The following TRRAP variants were observed in gnomAD, a reference collection of about 807,000 sequenced individuals.
TRRAP encodes the protein transformation/transcription domain associated protein, also known as transformation/transcription domain-associated protein.
In TRRAP, 41 loss-of-function variants were observed where a neutral mutation model predicts 438.8. The ratio of observed to expected loss-of-function variants is 0.09; its 90% confidence interval spans 0.07 to 0.12. The LOEUF (loss-of-function observed/expected upper bound fraction) is 0.12. Among genes scored for constraint, TRRAP ranks in the 10% least tolerant of loss-of-function variants. TRRAP has a pLI of 1.00. For missense variants in TRRAP, 3,122 were observed against 5,055.1 expected, an observed-to-expected ratio of 0.62 and a Z score of 11.60; for synonymous variants, 1,994 against 1,962.9, an observed-to-expected ratio of 1.02 and a Z score of -0.42.
chr7:98,962,797 T>A (rs1341055547), intron 47 of TRRAP, among the ~76,000 whole-genome samples: 2 of 152,200 alleles, frequency 1.3e-5, no homozygotes, highest in Non-Finnish European at 1.5e-5. Flanking sequence ...ACTCACAAGA[T>A]GAGAACTTGT....
At chr7:98,982,225 C>T (rs1213698778) in intron 59 of TRRAP, among the ~76,000 whole-genome samples, 2 of 152,178 alleles carry the variant, frequency 1.3e-5, no homozygotes, top group Non-Finnish European at 2.9e-5. Context: ...GTTTTCAGTG[C>T]CCACTGTGCC....
chr7:98,906,092 TG>T, intron 12 of TRRAP, 84 bp from the exon 13 acceptor site: 1 of 1,229,024 alleles, frequency 8.1e-7, no homozygotes, highest in Non-Finnish European at 1.2e-6. Flanking sequence ...ACTGGCGGGC[TG>T]GCTACTTCGA....
At chr7:98,971,490 T>G (rs1792418562) in intron 52 of TRRAP, among the ~76,000 whole-genome samples, 3 of 152,278 alleles carry the variant, frequency 2.0e-5, no homozygotes. Context: ...TGATAGACTA[T>G]GATTCCATTA....
chr7:98,908,693 TG>T lies in TRRAP; in HGVS notation c.1116-32del. On this transcript the variant is annotated intron_variant, in intron 13 of 72. Coordinates refer to ENST00000456197, the MANE Select transcript of TRRAP (RefSeq NM_001375524.1). This position sits in a 1 kb window ranked among gnomAD's most constrained non-coding sequence, Gnocchi z 4.1. ...GCCTGCTGCAGCAGGCATGGCCACG[TG>T]GGAATGAGCACTAGTCGAGGTCTCT... The T allele has an allele frequency of 6.5e-7, 1 of 1,530,950 alleles. No individual in the cohort carries two copies. The allele number at this position is 1,530,950 out of a possible 1,614,324, so 94.8% of individuals were successfully genotyped here.
rs976599559 is a variant in TRRAP, at chr7:98,925,105, G to A, written c.2824-7G>A. On this transcript the variant is annotated splice_region_variant and splice_polypyrimidine_tract_variant and intron_variant, in intron 21 of 72. Coordinates refer to ENST00000456197, the MANE Select transcript of TRRAP (RefSeq NM_001375524.1). The stretch of plus-strand genomic sequence containing the variant: ...CAAACTGTAGTTTCTTTGTGTCTTG[G>A]TTGTAGGCCATTGAAACTGCTCTGG... The A allele has an allele frequency of 5.0e-6, 8 of 1,607,282 alleles. No homozygotes were observed. In the Admixed American group the frequency reaches 8.6e-5, roughly 17 times the overall value.
rs57047314 is a variant in TRRAP, at chr7:98,953,031, TTGTGTGTGTGTG to T, written c.5464-98_5464-87del. The T allele has an allele frequency of 5.7e-4, 672 of 1,170,062 alleles. 3 individuals carry two copies. In the African/African-American group the frequency reaches 8.5e-3, roughly 15 times the overall value. 72.5% of individuals were successfully genotyped at this position (1,170,062 alleles called of 1,614,324 possible). A position where few individuals can be genotyped will look rare whatever the true frequency, so the allele number is the denominator to read the frequency against. ...CCTCCTTGTAAAACTTCATGTTACA[TTGTGTGTGTGTG>T]TGTGTGTGTGTGTGTGTGTGTGTGT... is the stretch of plus-strand genomic sequence containing the variant. On this transcript the variant is annotated intron_variant, in intron 39 of 72. Coordinates refer to ENST00000456197, the MANE Select transcript of TRRAP (RefSeq NM_001375524.1).
intron 53 of TRRAP, among the ~76,000 whole-genome samples, chr7:98,974,730 A>G (rs908624335): frequency 6.6e-6 from 1 of 152,246 alleles, no homozygotes; most frequent in Non-Finnish European, 1.5e-5. Flanking sequence ...ATACACAGAG[A>G]TACCCCAAAT....
At position 98,993,865 on chromosome 7, in the gene TRRAP, C is replaced by T. The variant is rs1043664285; in HGVS notation, c.10047+128C>T. 8.7e-6 allele frequency: 8 copies of T among 914,712 alleles called. No individual in the cohort carries two copies. In the African/African-American group the frequency reaches 1.3e-4, roughly 15 times the overall value. 56.7% of individuals were successfully genotyped at this position (914,712 alleles called of 1,614,324 possible). Reference sequence around the variant, plus strand: ...TTTATATATTTGTTGTTGAACTTAACCATGGACCAGGCAAATAGCTATCTC... The same window carrying T: ...TTTATATATTTGTTGTTGAACTTAATCATGGACCAGGCAAATAGCTATCTC... On this transcript the variant is annotated intron_variant, in intron 66 of 72. Coordinates refer to ENST00000456197, the MANE Select transcript of TRRAP (RefSeq NM_001375524.1).
At chr7:99,004,688 C>G (rs1359137479) in intron 68 of TRRAP, among the ~76,000 whole-genome samples, 1 of 152,212 alleles carries the variant, frequency 6.6e-6, no homozygotes. Context: ...GTGTCCCACT[C>G]TTGTAAATCC....
chr7:98,902,978 G>A (rs1796541972), intron 11 of TRRAP, among the ~76,000 whole-genome samples: 1 of 151,870 alleles, frequency 6.6e-6, no homozygotes, highest in African/African-American at 2.4e-5. Context: ...TGAGGTGGGA[G>A]GATGGCGTGA....
chr7:98,971,955 C>T lies in TRRAP; in HGVS notation c.7839+10C>T. 2.5e-6 allele frequency: 4 copies of T among 1,613,112 alleles called. No individual in the cohort carries two copies. Among genetic ancestry groups the T allele is most frequent in the East Asian group, 4.5e-5 (2 of 44,888 alleles). ...TCTCCGAGAGGTGAAGGTCTGTACG[C>T]AGCTTGGAAAGGATTCGTTGCTTTC... On this transcript the variant is annotated intron_variant, in intron 53 of 72. Transcript: ENST00000456197.
intron 13 of TRRAP, among the ~76,000 whole-genome samples, chr7:98,907,687 C>A: frequency 6.6e-6 from 1 of 152,218 alleles, no homozygotes; most frequent in Non-Finnish European, 1.5e-5. Flanking sequence ...GCTCTGTCCA[C>A]CTGTTCTACA....
At chr7:98,898,247 C>G (rs1796311325) in intron 8 of TRRAP, among the ~76,000 whole-genome samples, 1 of 152,208 alleles carries the variant, frequency 6.6e-6, no homozygotes, top group South Asian at 2.1e-4. Context: ...AGCTCCAGTA[C>G]AATGTCCTGG....
chr7:98,950,509 G>A (rs1791285787), intron 38 of TRRAP, among the ~76,000 whole-genome samples: 1 of 152,196 alleles, frequency 6.6e-6, no homozygotes, highest in Non-Finnish European at 1.5e-5. Context: ...GTGACACAAT[G>A]AGACTCTGTC....
chr7:99,008,342 C>G (rs775641682), intron 69 of TRRAP, 35 bp from the exon 70 acceptor site: 1 of 1,605,162 alleles, frequency 6.2e-7, no homozygotes, highest in South Asian at 1.1e-5. Context: ...CGCGGTCACC[C>G]TCAGCCTGCC....
Position 99,012,463 on chromosome 7 carries a change from G to A in TRRAP, c.*108G>A. ...TCCTTATATTCACAGAAGCCCCATA[G>A]TTTCACTGGGTTGCGGTTATTTTCC... On this transcript the variant is annotated 3_prime_UTR_variant, in exon 73 of 73. Coordinates refer to ENST00000456197, the MANE Select transcript of TRRAP (RefSeq NM_001375524.1). The surrounding 1 kb of genome is among the most constrained non-coding windows in gnomAD (Gnocchi z 5.9). 2 of 1,298,840 alleles carry A rather than the reference G, an allele frequency of 1.5e-6. No individual in the cohort carries two copies. Among genetic ancestry groups the A allele is most frequent in the Non-Finnish European group, 2.1e-6 (2 of 965,950 alleles). 80.5% of individuals were successfully genotyped at this position (1,298,840 alleles called of 1,614,324 possible).
rs1314905107 is a variant in TRRAP at position 98,948,837 on chromosome 7, T to C, written c.4788+152T>C. On this transcript the variant is annotated intron_variant, in intron 35 of 72. Transcript: ENST00000456197. This position sits in a 1 kb window ranked among gnomAD's most constrained non-coding sequence, Gnocchi z 4.9. ...TATTGGAAACAGCATTGCTGTTTGGTTGTGTCTGTGAAATGTGCAGGTCTA... is the reference window on the plus strand; with the variant it reads ...TATTGGAAACAGCATTGCTGTTTGGCTGTGTCTGTGAAATGTGCAGGTCTA... 1 of 1,334,686 alleles carries C rather than the reference T, an allele frequency of 7.5e-7. No individual in the cohort carries two copies. Among genetic ancestry groups the C allele is most frequent in the African/African-American group, 1.5e-5 (1 of 68,166 alleles). The allele number at this position is 1,334,686 out of a possible 1,614,324, so 82.7% of individuals were successfully genotyped here.
chr7:98,984,415 A>G (rs531275427), intron 61 of TRRAP, 57 bp downstream of exon 61: 3 of 1,483,608 alleles, frequency 2.0e-6, no homozygotes, highest in South Asian at 2.9e-5. Flanking sequence ...CAGGTGGAGA[A>G]TGAGGCAATG....
rs782001504 is a variant in TRRAP at position 98,891,192 on chromosome 7, C to CATATATATATATAT, written c.261+759_261+760insATATATATATATAT. ...CTACCTTGATCATTTAGAAATAGTCCATATATATATATTTTTTTTTTTTTT... is the reference window on the plus strand; with the variant it reads ...CTACCTTGATCATTTAGAAATAGTCCATATATATATATATATATATATATATTTTTTTTTTTTTT... On this transcript the variant is annotated intron_variant, in intron 4 of 72. Transcript: ENST00000456197. Among the ~76,000 whole-genome samples the CATATATATATATAT allele has an allele frequency of 9.4e-4, 63 of 66,882 alleles. 3 individuals are homozygous for CATATATATATATAT. Among genetic ancestry groups the CATATATATATATAT allele is most frequent in the South Asian group, 1.7e-3 (3 of 1,748 alleles). The allele number at this position is 66,882 out of a possible 152,430, so 43.9% of individuals were successfully genotyped here. A position where few individuals can be genotyped will look rare whatever the true frequency, so the allele number is the denominator to read the frequency against.
Sources: allele counts gnomAD v4.1 joint callset (sites outside exome capture counted in the v4.1 genomes callset), GRCh38; gene constraint gnomAD v4.1.1; non-coding constraint Gnocchi (gnomAD v3.1); transcripts MANE v1.5; gene names NCBI Gene and HGNC (gene_info 2026-07-23, HGNC 2026-07-21).